Variants in KIF6 observed in about 807,000 individuals in gnomAD.
The protein encoded by KIF6 is kinesin family member 6.
In KIF6, 106 loss-of-function variants were observed where a neutral mutation model predicts 112.7. The ratio of observed to expected loss-of-function variants is 0.94; its 90% CI spans 0.80 to 1.11. The LOEUF (loss-of-function observed/expected upper bound fraction) is 1.11. Among genes scored for constraint, KIF6 ranks in the 50% least tolerant of loss-of-function variants. The pLI, the probability that KIF6 is intolerant of heterozygous loss-of-function variation, is 0.00. For missense variants in KIF6, 929 were observed against 964.0 expected, an observed-to-expected ratio of 0.96 and a Z score of 0.48; for synonymous variants, 339 against 339.9, an observed-to-expected ratio of 1.00 and a Z score of 0.03.
rs1184043328 is a variant in KIF6 at position 39,336,458 on chromosome 6, C to A, written c.*74G>T. On this transcript the variant is annotated 3_prime_UTR_variant, in exon 23 of 23. Transcript: ENST00000287152. Reference sequence around the variant, plus strand: ...CCATAGTTCACTTCTGAAGCCAGAGCAAGTGAGGGGCGCTGCCTTCATCTG... The same window carrying A: ...CCATAGTTCACTTCTGAAGCCAGAGAAAGTGAGGGGCGCTGCCTTCATCTG... 2.1e-6 allele frequency: 3 copies of A among 1,429,524 alleles called. No homozygotes were observed. The highest frequency in any genetic ancestry group is 3.0e-6 in the Non-Finnish European group (3 of 1,012,216). 88.6% of individuals were successfully genotyped at this position (1,429,524 alleles called of 1,614,324 possible). A position where few individuals can be genotyped will look rare whatever the true frequency, so the allele number is the denominator to read the frequency against.
At position 39,596,089 on chromosome 6, in the gene KIF6, T is replaced by G. The variant is rs1341646121; in HGVS notation, c.811A>C (p.Lys271Gln). ...TAATGTAGTGACAAGTTGATATACT[T>G]GGCCTCTGTTAGAAGATGGCCCCCT... is the stretch of plus-strand genomic sequence containing the variant. ...GVGGHLLTEA[K>Q]YINLSLHYLE... The change falls in exon 7 of 23, where the codon AAG becomes CAG. Residue 271 changes from lysine to glutamine, a missense_variant. By Grantham distance (53) the Lys-to-Gln change is moderately conservative (BLOSUM62 1). Coordinates refer to ENST00000287152, the MANE Select transcript of KIF6 (RefSeq NM_145027.6). 1 of 1,613,990 alleles carries G rather than the reference T, an allele frequency of 6.2e-7. No individual in the cohort carries two copies. Among genetic ancestry groups the G allele is most frequent in the Non-Finnish European group, 8.5e-7 (1 of 1,179,938 alleles).
chr6:39,444,672 C>A (rs892787668), intron 13 of KIF6, among the ~76,000 whole-genome samples: 10 of 150,762 alleles, frequency 6.6e-5, no homozygotes, highest in African/African-American at 1.9e-4. Flanking sequence ...CTGGCAACTA[C>A]CATTCTACTC....
intron 13 of KIF6, among the ~76,000 whole-genome samples, chr6:39,537,615 C>T (rs898707625): frequency 2.6e-5 from 4 of 151,960 alleles, no homozygotes; most frequent in South Asian, 2.1e-4. Context: ...TAGGAAGAAT[C>T]AATATCATGA....
intron 9 of KIF6, among the ~76,000 whole-genome samples, chr6:39,581,161 C>CTTTT (rs60321520): frequency 0.017 from 1,315 of 78,020 alleles, 7 homozygotes; most frequent in African/African-American, 0.035. Context: ...GCTTTACTTT[C>CTTTT]TTTTTTTTTT....
chr6:39,449,448 T>C (rs534108466), intron 13 of KIF6, among the ~76,000 whole-genome samples: 60 of 152,376 alleles, frequency 3.9e-4, no homozygotes, highest in African/African-American at 9.9e-4. Flanking sequence ...TGGGGCTTTA[T>C]ACTTGCTGCT....
chr6:39,584,436 A>C (rs1262754656), intron 9 of KIF6, among the ~76,000 whole-genome samples: 1,703 of 106,296 alleles, frequency 0.016, 175 homozygotes, highest in African/African-American at 0.098. Flanking sequence ...AAAAAAAAAA[A>C]AAAAAAAAAA....
At chr6:39,648,572 C>T (rs973652969) in intron 3 of KIF6, among the ~76,000 whole-genome samples, 2 of 152,176 alleles carry the variant, frequency 1.3e-5, no homozygotes, top group African/African-American at 2.4e-5. Flanking sequence ...TTAAACTTAA[C>T]TAAATTTGAA....
chr6:39,403,223 TGTGCATCATGG>T (rs1163853906), intron 15 of KIF6, among the ~76,000 whole-genome samples: 2 of 152,180 alleles, frequency 1.3e-5, no homozygotes, highest in Non-Finnish European at 2.9e-5. Context: ...GGAGCATGTG[TGTGCATCATGG>T]GTTTGGACAC....
intron 13 of KIF6, among the ~76,000 whole-genome samples, chr6:39,498,244 AAAACACCAGTCTACGTAGTTCCCT>A (rs1645692838): frequency 6.6e-6 from 1 of 152,210 alleles, no homozygotes; most frequent in South Asian, 2.1e-4. Flanking sequence ...ACTCATGATG[AAAACACCAGTCTACGTAGTTCCCT>A]TATCTCCCTC....
chr6:39,602,842 C>T (rs570407142), intron 6 of KIF6, among the ~76,000 whole-genome samples: 1 of 152,276 alleles, frequency 6.6e-6, no homozygotes, highest in African/African-American at 2.4e-5. Flanking sequence ...CAAGTATACC[C>T]TTTTCCTACT....
Position 39,336,448 on chromosome 6 carries a change from G to T in KIF6, c.*84C>A. The T allele has an allele frequency of 7.4e-7, 1 of 1,346,568 alleles. No homozygotes were observed. Among genetic ancestry groups the T allele is most frequent in the Non-Finnish European group, 1.1e-6 (1 of 936,958 alleles). 83.4% of individuals were successfully genotyped at this position (1,346,568 alleles called of 1,614,324 possible). On this transcript the variant is annotated 3_prime_UTR_variant, in exon 23 of 23. Coordinates refer to ENST00000287152, the MANE Select transcript of KIF6 (RefSeq NM_145027.6). ...TCCCAGCAGCCCATAGTTCACTTCT[G>T]AAGCCAGAGCAAGTGAGGGGCGCTG...
At chr6:39,660,989 GC>G (rs1786108646) in intron 3 of KIF6, among the ~76,000 whole-genome samples, 1 of 152,096 alleles carries the variant, frequency 6.6e-6, no homozygotes, top group African/African-American at 2.4e-5. Context: ...TTGCACTGCT[GC>G]TTTTTCCCTG....
rs747580524 is a variant in KIF6 at position 39,596,238 on chromosome 6, G to C, written c.662C>G (p.Thr221Ser). The C allele has an allele frequency of 3.7e-6, 6 of 1,613,760 alleles. No homozygotes were observed. The highest frequency in any genetic ancestry group is 5.1e-6 in the Non-Finnish European group (6 of 1,179,884). Residue 221 changes from threonine to serine, a missense_variant, in exon 7 of 23, where the codon ACC (threonine) becomes AGC (serine). Thr to Ser is a moderately conservative substitution (Grantham distance 58). Around this residue, in one of 2 missense-constraint regions of KIF6, gnomAD observed 688 missense variants for 662.7 expected, o/e 1.04. Transcript: ENST00000287152. ...IAETPMNQAS[T>S]RSHCIFTIHL... ...AATGGTGAAAATGCAGTGGGAACGGGTTGAAGCTTGGTTCATAGGAGTCTA... is the reference window on the plus strand; with the variant it reads ...AATGGTGAAAATGCAGTGGGAACGGCTTGAAGCTTGGTTCATAGGAGTCTA...
chr6:39,579,498 G>T (rs1489986856), intron 9 of KIF6, among the ~76,000 whole-genome samples: 1 of 151,898 alleles, frequency 6.6e-6, no homozygotes, highest in African/African-American at 2.4e-5. Flanking sequence ...TTTATGCAAT[G>T]CACCTGTTTT....
At chr6:39,507,056 C>G (rs1278643565) in intron 13 of KIF6, among the ~76,000 whole-genome samples, 1 of 152,130 alleles carries the variant, frequency 6.6e-6, no homozygotes, top group Non-Finnish European at 1.5e-5. Flanking sequence ...GTGAGCCATT[C>G]TAACAAATTA....
intron 5 of KIF6, among the ~76,000 whole-genome samples, chr6:39,631,265 T>C: frequency 6.6e-6 from 1 of 151,940 alleles, no homozygotes; most frequent in Non-Finnish European, 1.5e-5. Context: ...TAGTAGACAA[T>C]ATGTATGTCT....
intron 10 of KIF6, among the ~76,000 whole-genome samples, chr6:39,571,595 G>A (rs949786286): frequency 2.0e-5 from 3 of 152,152 alleles, no homozygotes; most frequent in Non-Finnish European, 4.4e-5. Flanking sequence ...AGCACAAGGA[G>A]AGAGCAAAAT....
chr6:39,614,476 T>TG (rs1309353070), intron 5 of KIF6, among the ~76,000 whole-genome samples: 57 of 152,286 alleles, frequency 3.7e-4, no homozygotes, highest in Middle Eastern at 3.4e-3. Context: ...AGTATCATAA[T>TG]TTTTTTCATC....
intron 3 of KIF6, among the ~76,000 whole-genome samples, chr6:39,711,561 A>G (rs1456708393): frequency 6.6e-6 from 1 of 152,098 alleles, no homozygotes; most frequent in African/African-American, 2.4e-5. Context: ...TTACAGAGAC[A>G]AAAATCTCAC....
Sources: gnomAD v4.1 joint callset for allele counts (sites outside exome capture counted in the v4.1 genomes callset) on GRCh38, gnomAD v4.1.1 for gene constraint, gnomAD v4.1.1 regional missense constraint, MANE v1.5 for transcripts, NCBI Gene and HGNC (gene_info 2026-07-23, HGNC 2026-07-21) for gene names.